Variants in CMIP observed in about 807,000 individuals in gnomAD.
CMIP encodes c-Maf inducing protein.
Under a neutral mutation model 97.3 loss-of-function variants are expected in CMIP, and 13 were observed. The ratio of observed to expected loss-of-function variants is 0.13; its 90% CI spans 0.09 to 0.21. CMIP has a LOEUF of 0.21. CMIP is among the 10% of genes least tolerant of loss of function. CMIP has a pLI of 1.00. For synonymous variants in CMIP, 538 were observed against 436.3 expected, an observed-to-expected ratio of 1.23 and a Z score of -2.91; for missense variants, 847 against 1,024.9, an observed-to-expected ratio of 0.83 and a Z score of 2.37.
rs1257278954 is a variant in CMIP, at chr16:81,657,772, T to C, written c.640-3T>C. The C allele has an allele frequency of 6.2e-7, 1 of 1,606,130 alleles. No individual in the cohort carries two copies. The highest frequency in any genetic ancestry group is 8.5e-7 in the Non-Finnish European group (1 of 1,176,398). On this transcript the variant is annotated splice_region_variant and splice_polypyrimidine_tract_variant and intron_variant, in intron 4 of 20. Transcript: ENST00000537098. ...CTCCTGCTGTCTCCATTCAATCCTT[T>C]AGAACACAAACTTGACCACCCAGGA...
rs11150396 is a variant in CMIP, at chr16:81,650,632, G to C, written c.478-1571G>C. The stretch of plus-strand genomic sequence containing the variant: ...GATGCCGTATTGGCCTAGGTTTTAC[G>C]TTTCATCTCCTTCAGTTTTTCAAGA... On this transcript the variant is annotated intron_variant, in intron 3 of 20. Coordinates refer to ENST00000537098, the MANE Select transcript of CMIP (RefSeq NM_198390.3). 6.0e-4 allele frequency among the ~76,000 whole-genome samples: 91 copies of C among 152,054 alleles called. 1 individual carries two copies. Among genetic ancestry groups the C allele is most frequent in the African/African-American group, 2.2e-3 (91 of 41,486 alleles).
At position 81,453,316 on chromosome 16, in the gene CMIP, G is replaced by T. The variant is rs993110774; in HGVS notation, c.300+7775G>T. Among the ~76,000 whole-genome samples the T allele has an allele frequency of 6.6e-6, 1 of 152,226 alleles. No homozygotes were observed. The highest frequency in any genetic ancestry group is 1.5e-5 in the Non-Finnish European group (1 of 68,032). On this transcript the variant is annotated intron_variant, in intron 1 of 20. Transcript: ENST00000537098. The surrounding 1 kb of genome is among the most constrained non-coding windows in gnomAD (Gnocchi z 4.0). ...CGTGGTCTGGATCGTCTGGTCCCTG[G>T]TGGATATAGGATTTGAGTGTATGGA...
intron 2 of CMIP, among the ~76,000 whole-genome samples, chr16:81,615,369 A>G (rs1403873486): frequency 4.2e-5 from 5 of 118,618 alleles, no homozygotes; most frequent in African/African-American, 1.4e-4. Flanking sequence ...TGCATGTGTA[A>G]CTGTATGGTG....
intron 1 of CMIP, among the ~76,000 whole-genome samples, chr16:81,487,616 G>A (rs1454267788): frequency 6.6e-6 from 1 of 152,206 alleles, no homozygotes; most frequent in East Asian, 1.9e-4. Flanking sequence ...GAGCGGCTGA[G>A]TTCAGATATC....
At chr16:81,668,730 CTAA>C (rs1262781407) in intron 7 of CMIP, among the ~76,000 whole-genome samples, 1 of 152,074 alleles carries the variant, frequency 6.6e-6, no homozygotes, top group African/African-American at 2.4e-5. Flanking sequence ...TCCCCTGCCA[CTAA>C]TGCCTGGTGC....
chr16:81,649,917 AGG>A (rs1380424487), intron 3 of CMIP, among the ~76,000 whole-genome samples: 4 of 152,234 alleles, frequency 2.6e-5, no homozygotes, highest in Admixed American at 2.6e-4. Context: ...TGGAGCGGGT[AGG>A]GTTCTTGCTT....
chr16:81,661,399 C>T (rs1174274215), intron 6 of CMIP, among the ~76,000 whole-genome samples: 4 of 152,260 alleles, frequency 2.6e-5, no homozygotes, highest in African/African-American at 7.2e-5. Context: ...CCGGCGCCAG[C>T]CTTGCAGTGG....
chr16:81,708,692 G>C (rs559820769), intron 20 of CMIP, among the ~76,000 whole-genome samples: 1 of 152,210 alleles, frequency 6.6e-6, no homozygotes, highest in Non-Finnish European at 1.5e-5. Flanking sequence ...AGTCTGGCCA[G>C]ACCTTCCCAT....
At chr16:81,603,511 G>C (rs546663513) in intron 1 of CMIP, 43 of 449,774 alleles carry the variant, frequency 9.6e-5, no homozygotes, top group African/African-American at 8.0e-4. Flanking sequence ...TAGTCTGTGG[G>C]CTGCGTTTGT....
At position 81,448,011 on chromosome 16, in the gene CMIP, G is replaced by A. The variant is rs191274868; in HGVS notation, c.300+2470G>A. Among the ~76,000 whole-genome samples the A allele has an allele frequency of 1.2e-4, 19 of 152,378 alleles. No homozygotes were observed. The East Asian group carries it at 3.3e-3, about 26-fold the overall frequency. On this transcript the variant is annotated intron_variant, in intron 1 of 20. Transcript: ENST00000537098. ...GTCTGCGTTTTATAGTGCGGCCCAA[G>A]CACTCTATTGAGAAATATGAGCCCA...
rs1228306437 is a variant in CMIP at position 81,710,258 on chromosome 16, C to G, written c.*459C>G. The G allele has an allele frequency of 4.9e-6, 1 of 203,456 alleles. No individual in the cohort carries two copies. The highest frequency in any genetic ancestry group is 1.0e-5 in the Non-Finnish European group (1 of 97,752). 12.6% of individuals were successfully genotyped at this position (203,456 alleles called of 1,614,324 possible). On this transcript the variant is annotated 3_prime_UTR_variant, in exon 21 of 21. Coordinates refer to ENST00000537098, the MANE Select transcript of CMIP (RefSeq NM_198390.3). ...CCCCCGCCCTTGGGACAAGAAGACC[C>G]AGTCACATCACTGCACCCGTCCTGT... is the stretch of plus-strand genomic sequence containing the variant.
intron 1 of CMIP, among the ~76,000 whole-genome samples, chr16:81,561,046 C>G (rs942660935): frequency 6.6e-6 from 1 of 152,186 alleles, no homozygotes; most frequent in Non-Finnish European, 1.5e-5. Flanking sequence ...TCTTCACCTC[C>G]TGGGTTCAAG....
At chr16:81,584,252 T>G (rs1349766581) in intron 1 of CMIP, among the ~76,000 whole-genome samples, 1 of 152,126 alleles carries the variant, frequency 6.6e-6, no homozygotes, top group Admixed American at 6.5e-5. Flanking sequence ...GGAAAACTCC[T>G]TGGAGGCAAG....
At chr16:81,613,325 G>T (rs907060411) in intron 2 of CMIP, among the ~76,000 whole-genome samples, 2 of 141,598 alleles carry the variant, frequency 1.4e-5, no homozygotes, top group East Asian at 4.3e-4. Flanking sequence ...ATCCAGAGGA[G>T]CTCAGATGCA....
At chr16:81,466,604 A>G (rs147782276) in intron 1 of CMIP, among the ~76,000 whole-genome samples, 9 of 152,184 alleles carry the variant, frequency 5.9e-5, no homozygotes, top group Admixed American at 3.9e-4. Flanking sequence ...TCTTATTGGT[A>G]TTACTTACGA....
intron 1 of CMIP, among the ~76,000 whole-genome samples, chr16:81,468,134 AC>A (rs1907317682): frequency 6.6e-6 from 1 of 152,050 alleles, no homozygotes; most frequent in African/African-American, 2.4e-5. Context: ...ATCAGGGGCA[AC>A]CTTTTGGGTA....
chr16:81,580,272 C>T (rs2091273528), intron 1 of CMIP, among the ~76,000 whole-genome samples: 1 of 152,174 alleles, frequency 6.6e-6, no homozygotes, highest in Admixed American at 6.5e-5. Context: ...AAGCGAGGTG[C>T]CCTATGTCTC....
chr16:81,622,680 T>A (rs1175268085), intron 3 of CMIP, among the ~76,000 whole-genome samples: 1 of 152,140 alleles, frequency 6.6e-6, no homozygotes, highest in African/African-American at 2.4e-5. Context: ...GAGGCCAAGA[T>A]GAGTATCAAT....
At chr16:81,487,501 G>A (rs2089336827) in intron 1 of CMIP, among the ~76,000 whole-genome samples, 1 of 152,184 alleles carries the variant, frequency 6.6e-6, no homozygotes, top group Admixed American at 6.5e-5. Context: ...TGGCGGGAAT[G>A]GGCAGGCTGG....
Sources: gnomAD v4.1 joint callset for allele counts (sites outside exome capture counted in the v4.1 genomes callset) on GRCh38, gnomAD v4.1.1 for gene constraint, Gnocchi (gnomAD v3.1) non-coding constraint, MANE v1.5 for transcripts, NCBI Gene and HGNC (gene_info 2026-07-23, HGNC 2026-07-21) for gene names.